Variants in TRIOBP observed in about 807,000 individuals in gnomAD.
TRIOBP encodes TRIO and F-actin-binding protein.
In TRIOBP, 169 loss-of-function variants were observed where a neutral mutation model predicts 238.8. The observed-to-expected ratio is 0.71, with a 90% CI of 0.62 to 0.80. The LOEUF (loss-of-function observed/expected upper bound fraction) is 0.80. TRIOBP is among the 30% of genes least tolerant of loss of function. TRIOBP has a pLI of 0.00. For synonymous variants in TRIOBP, 1,150 were observed against 1,274.4 expected (o/e 0.90, Z 2.08); for missense variants, 2,838 against 3,122.6 (o/e 0.91, Z 2.17).
rs397769084 is a variant in TRIOBP, at chr22:37,765,836, G to GA, written c.6472+19_6472+20insA. On this transcript the variant is annotated intron_variant, in intron 18 of 23. Coordinates refer to ENST00000644935, the MANE Select transcript of TRIOBP (RefSeq NM_001039141.3). ...GCCTCAGGTATGGACCCTGGGGGGG[G>GA]CACAGTGGGCTGGGCTCTGAGCCTC... 1.9e-5 allele frequency: 30 copies of GA among 1,584,328 alleles called. No individual in the cohort carries two copies. The Admixed American group carries it at 4.7e-4, about 25-fold the overall frequency.
chr22:37,707,421 G>T (rs1161356675), intron 3 of TRIOBP, among the ~76,000 whole-genome samples: 1 of 151,908 alleles, frequency 6.6e-6, no homozygotes, highest in Non-Finnish European at 1.5e-5. Context: ...GAATGGGTGG[G>T]TTTTTTTTCC....
chr22:37,715,594 C>T (rs577710592), intron 5 of TRIOBP, among the ~76,000 whole-genome samples, 169 bp from the exon 6 acceptor site: 81 of 152,248 alleles, frequency 5.3e-4, no homozygotes, highest in African/African-American at 1.8e-3. Context: ...CCACCCACCT[C>T]GTCCTCCCAA....
At chr22:37,709,455 G>A (rs1037229352) in intron 3 of TRIOBP, among the ~76,000 whole-genome samples, 4 of 152,230 alleles carry the variant, frequency 2.6e-5, no homozygotes, top group East Asian at 1.9e-4. Flanking sequence ...CCACTGCCTC[G>A]GCGGCTGCTG....
intron 11 of TRIOBP, 118 bp downstream of exon 11, chr22:37,741,150 G>A: frequency 1.5e-6 from 2 of 1,361,290 alleles, no homozygotes; most frequent in Non-Finnish European, 2.0e-6. Context: ...GGCACCTAGG[G>A]CCGTCGCATG....
intron 7 of TRIOBP, among the ~76,000 whole-genome samples, chr22:37,727,205 G>A (rs1401170173): frequency 7.3e-5 from 11 of 150,396 alleles, no homozygotes; most frequent in African/African-American, 2.4e-4. Flanking sequence ...CACCGTGCCC[G>A]GCCAAAATGA....
chr22:37,744,774 G>A (rs892375461), intron 11 of TRIOBP, among the ~76,000 whole-genome samples: 3 of 152,196 alleles, frequency 2.0e-5, no homozygotes, highest in Admixed American at 6.5e-5. Context: ...TCCTCATGGT[G>A]GAGAGACTCC....
intron 4 of TRIOBP, among the ~76,000 whole-genome samples, chr22:37,711,587 A>C (rs375529740): frequency 0.014 from 682 of 48,800 alleles, 11 homozygotes; most frequent in African/African-American, 0.025. Context: ...TCAAAAAAAA[A>C]AAAAACAACA....
In TRIOBP at chr22:37,725,950, C is replaced by T; in HGVS notation, c.3394C>T (p.Pro1132Ser). Reference protein sequence around the residue: ...ASSPPRQAPEPSLLFQDLPRA... With the variant: ...ASSPPRQAPESSLLFQDLPRA... ...CTCCCCACCACGCCAGGCCCCAGAG[C>T]CTTCCCTCTTATTCCAGGACCTCCC... The change falls in exon 7 of 24, where the codon CCT becomes TCT. Residue 1132 changes from proline (P) to serine (S), a missense_variant. Pro to Ser is a moderately conservative substitution (Grantham distance 74). Coordinates refer to ENST00000644935, the MANE Select transcript of TRIOBP (RefSeq NM_001039141.3). 1 of 1,608,850 alleles carries T rather than the reference C, an allele frequency of 6.2e-7. No homozygotes were observed. The highest frequency in any genetic ancestry group is 8.5e-7 in the Non-Finnish European group (1 of 1,178,632).
At chr22:37,746,678 C>G (rs866377047) in intron 11 of TRIOBP, among the ~76,000 whole-genome samples, 1 of 152,272 alleles carries the variant, frequency 6.6e-6, no homozygotes, top group Non-Finnish European at 1.5e-5. Context: ...AACGACCCGT[C>G]TCGGGCGCCC....
intron 18 of TRIOBP, among the ~76,000 whole-genome samples, chr22:37,767,399 G>C (rs1198983170): frequency 1.3e-5 from 2 of 152,052 alleles, no homozygotes; most frequent in Non-Finnish European, 2.9e-5. Flanking sequence ...GGCCCTGAGT[G>C]GGAAAAAAAA....
chr22:37,710,285 GC>G, intron 3 of TRIOBP, 141 bp from the exon 4 acceptor site: 2 of 1,310,938 alleles, frequency 1.5e-6, no homozygotes, highest in South Asian at 2.6e-5. Context: ...GGTGCTTCTA[GC>G]CTGATGGGCA....
chr22:37,766,974 C>G (rs1219559860), intron 18 of TRIOBP, among the ~76,000 whole-genome samples: 1 of 149,700 alleles, frequency 6.7e-6, no homozygotes, highest in Non-Finnish European at 1.5e-5. Context: ...AAAAAAAGGC[C>G]AGGCACTGTG....
At chr22:37,751,159 C>T (rs1384321591) in intron 11 of TRIOBP, 1 of 424,134 alleles carries the variant, frequency 2.4e-6, no homozygotes, top group Non-Finnish European at 4.8e-6. Flanking sequence ...GCTGGTAGCC[C>T]CCAGACCCCG....
Position 37,701,318 on chromosome 22 carries a change from C to T in TRIOBP, c.-48C>T, listed in dbSNP as rs1018728810. ...TCATTTTTGCCAGGCCTCACATAGA[C>T]GGTCAGCCATTGGATCATAGGAACT... On this transcript the variant is annotated 5_prime_UTR_variant, in exon 3 of 24. In the 5' UTR this introduces an upstream ATG that the reference lacks. Transcript: ENST00000644935. 1.2e-5 allele frequency: 18 copies of T among 1,479,078 alleles called. No homozygotes were observed. The highest frequency in any genetic ancestry group is 1.7e-4 in the Middle Eastern group (1 of 5,836). The allele number at this position is 1,479,078 out of a possible 1,614,324, so 91.6% of individuals were successfully genotyped here.
chr22:37,759,868 A>G (rs1189499138), intron 17 of TRIOBP: 2 of 720,984 alleles, frequency 2.8e-6, no homozygotes, highest in African/African-American at 3.6e-5. Flanking sequence ...GTGTGTGTAC[A>G]CATATATAAG....
rs34625454 is a variant in TRIOBP, at chr22:37,702,634, CTT to C, written c.114+1178_114+1179del. The stretch of plus-strand genomic sequence containing the variant: ...ATCTAGAGATTTTCTTTCTCTCTCT[CTT>C]TTTTTTTTTTTTTTTTTTTTTTGGA... On this transcript the variant is annotated intron_variant, in intron 3 of 23. Transcript: ENST00000644935. Among the ~76,000 whole-genome samples the C allele has an allele frequency of 1.6e-3, 133 of 81,200 alleles. 1 individual carries two copies. The highest frequency in any genetic ancestry group is 0.013 in the East Asian group (33 of 2,606). 53.3% of individuals were successfully genotyped at this position (81,200 alleles called of 152,430 possible).
Position 37,775,883 on chromosome 22 carries a change from A to C in TRIOBP, c.*2103A>C, listed in dbSNP as rs747810427. On this transcript the variant is annotated 3_prime_UTR_variant, in exon 24 of 24. Transcript: ENST00000644935. ...CAATAGCTAAAAATGGCAAAGAAGA[A>C]AGAGCCAGGACCCCGTGCCATCAAA... 6.6e-6 allele frequency: 1 copy of C among 152,202 alleles called. No homozygotes were observed. Among genetic ancestry groups the C allele is most frequent in the Non-Finnish European group, 1.5e-5 (1 of 68,078 alleles). The allele number at this position is 152,202 out of a possible 1,614,324, so 9.4% of individuals were successfully genotyped here. A position where few individuals can be genotyped will look rare whatever the true frequency, so the allele number is the denominator to read the frequency against.
chr22:37,752,713 C>T (rs1436239458), intron 12 of TRIOBP, among the ~76,000 whole-genome samples: 1 of 152,244 alleles, frequency 6.6e-6, no homozygotes, highest in African/African-American at 2.4e-5. Context: ...AAGCCCGGCA[C>T]CCCGCCAGTG....
Position 37,724,467 on chromosome 22 carries a change from C to T in TRIOBP, c.1911C>T (p.Ser637=), listed in dbSNP as rs781255987. Residue 637 remains serine (S), a synonymous_variant, in exon 7 of 24, where the codon TCC becomes TCT. Transcript: ENST00000644935. ...SCAQRDNPRA[S]SPNRTTQQDS... ...CCCAGCGGGACAATCCCAGAGCCTC[C>T]TCTCCCAACAGAACCACCCAACAAG... 4 of 1,612,796 alleles carry T rather than the reference C, an allele frequency of 2.5e-6. No homozygotes were observed. The highest frequency in any genetic ancestry group is 3.4e-6 in the Non-Finnish European group (4 of 1,179,418).
Sources: allele counts gnomAD v4.1 joint callset (sites outside exome capture counted in the v4.1 genomes callset), GRCh38; gene constraint gnomAD v4.1.1; transcripts MANE v1.5; gene names NCBI Gene and HGNC (gene_info 2026-07-23, HGNC 2026-07-21).